Variants in VCPKMT observed in about 807,000 individuals in gnomAD.
VCPKMT encodes protein N-lysine methyltransferase METTL21D.
VCPKMT carries 32 observed loss-of-function variants against 28.6 expected under a neutral mutation model. The ratio of observed to expected loss-of-function variants is 1.12; its 90% confidence interval spans 0.84 to 1.50. VCPKMT has a LOEUF of 1.50. Ranked by LOEUF, VCPKMT falls within the 40% of genes most tolerant of loss-of-function variation. The pLI, the probability that VCPKMT is intolerant of heterozygous loss-of-function variation, is 0.00. For synonymous variants in VCPKMT, 138 were observed against 111.4 expected (o/e 1.24, Z -1.50); for missense variants, 366 against 285.0 (o/e 1.28, Z -2.05).
At chr14:50,112,540 C>T (rs991112207) in intron 5 of VCPKMT, 75 bp downstream of exon 5, 1 of 923,000 alleles carries the variant, frequency 1.1e-6, no homozygotes, top group Non-Finnish European at 1.7e-6. Flanking sequence ...AACGCCCATA[C>T]CACACATATG....
intron 2 of VCPKMT, 71 bp downstream of exon 2, chr14:50,115,998 C>T: frequency 1.3e-6 from 2 of 1,593,624 alleles, no homozygotes; most frequent in Middle Eastern, 1.7e-4. Flanking sequence ...CCCTTCCATC[C>T]TTTTAATGAA....
intron 5 of VCPKMT, chr14:50,111,144 G>A (rs929945122): frequency 1.0e-6 from 1 of 953,094 alleles, no homozygotes; most frequent in Middle Eastern, 5.4e-4. Flanking sequence ...TGGTATGTGA[G>A]TTACATCAAC....
At chr14:50,104,761 A>C, downstream of VCPKMT, among the ~76,000 whole-genome samples, 1 of 152,116 alleles carries the variant, frequency 6.6e-6, no homozygotes, top group East Asian at 1.9e-4. Context: ...TCAGATGTAA[A>C]ATCATGATTA....
chr14:50,103,834 G>T (rs1396052846), downstream of VCPKMT, among the ~76,000 whole-genome samples: 1 of 152,130 alleles, frequency 6.6e-6, no homozygotes, highest in Admixed American at 6.5e-5. Flanking sequence ...AAGGTGCCCA[G>T]ATTTCACACT....
At position 50,115,848 on chromosome 14, in the gene VCPKMT, G is replaced by A. The variant is rs74049153; in HGVS notation, c.441C>T (p.Tyr147=). The A allele has an allele frequency of 7.1e-3, 11,403 of 1,612,104 alleles. 636 individuals carry two copies. The African/African-American group carries it at 0.12, about 17-fold the overall frequency. ...PDFILMADCI[Y]YEESLEPLLK... ...CTCACTGGATACTTACCTCTTCATA[G>A]TATATGCAGTCGGCCATCAGTATGA... Residue 147 remains tyrosine (Y), a synonymous_variant, in exon 3 of 6, where the codon TAC becomes TAT. Coordinates refer to ENST00000395860, the MANE Select transcript of VCPKMT (RefSeq NM_024558.3).
chr14:50,111,976 A>G (rs1882690945), intron 5 of VCPKMT: 1 of 985,302 alleles, frequency 1.0e-6, no homozygotes, highest in Non-Finnish European at 1.2e-6. Flanking sequence ...ATAAAATGTG[A>G]TTGTTATACA....
downstream of VCPKMT, among the ~76,000 whole-genome samples, chr14:50,105,354 G>A (rs112866811): frequency 8.9e-3 from 1,362 of 152,300 alleles, 25 homozygotes; most frequent in African/African-American, 0.031. Flanking sequence ...ACCTAGGCCA[G>A]GTGCAGTGGC....
rs541387693 is a variant in VCPKMT, at chr14:50,109,423, T to G, written c.*276A>C. The G allele has an allele frequency of 5.2e-6, 6 of 1,164,364 alleles. No individual in the cohort carries two copies. The South Asian group carries it at 1.6e-4, about 31-fold the overall frequency. 72.1% of individuals were successfully genotyped at this position (1,164,364 alleles called of 1,614,324 possible). On this transcript the variant is annotated 3_prime_UTR_variant, in exon 6 of 6. Transcript: ENST00000395860. ...TTTCAGCCTCGCCTCAATACCAATT[T>G]TTATTTGAATAACTGATTCCCAACA...
At chr14:50,114,484 T>C (rs1882961714) in intron 3 of VCPKMT, 80 bp from the exon 4 acceptor site, 1 of 916,112 alleles carries the variant, frequency 1.1e-6, no homozygotes. Context: ...GGTACAGGGG[T>C]ATTTATAGCT....
At chr14:50,116,249 A>G in intron 1 of VCPKMT, 38 bp downstream of exon 1, 1 of 1,610,878 alleles carries the variant, frequency 6.2e-7, no homozygotes, top group Non-Finnish European at 8.5e-7. Context: ...CCCCAGCAAG[A>G]AGGCGCCCCC....
downstream of VCPKMT, among the ~76,000 whole-genome samples, chr14:50,108,113 TGG>T (rs1477124704): frequency 7.1e-6 from 1 of 140,342 alleles, no homozygotes; most frequent in East Asian, 2.1e-4. Flanking sequence ...CACCCAAGCC[TGG>T]GAAGAGTAGG....
At chr14:50,106,280 G>A (rs1323602115), downstream of VCPKMT, among the ~76,000 whole-genome samples, 2 of 152,144 alleles carry the variant, frequency 1.3e-5, no homozygotes, top group East Asian at 1.9e-4. Flanking sequence ...CTATGGGGTT[G>A]CAACCCTTTC....
downstream of VCPKMT, among the ~76,000 whole-genome samples, chr14:50,103,997 TATAAG>T (rs1312705882): frequency 2.0e-5 from 3 of 152,190 alleles, no homozygotes; most frequent in Non-Finnish European, 2.9e-5. Flanking sequence ...CACAGCAACC[TATAAG>T]ATATTATGAT....
chr14:50,110,713 A>G (rs1882587775), intron 5 of VCPKMT, among the ~76,000 whole-genome samples: 1 of 152,244 alleles, frequency 6.6e-6, no homozygotes, highest in Non-Finnish European at 1.5e-5. Flanking sequence ...GAGGTCTGAA[A>G]ACATGTTCAC....
In VCPKMT at chr14:50,108,778, G is replaced by A. The variant is rs1400875883; in HGVS notation, c.*921C>T. ...ACAGATTATTGTATATGAGCGAATG[G>A]CTTCATAACATAAAACAGAGAGACA... On this transcript the variant is annotated 3_prime_UTR_variant, in exon 6 of 6. Transcript: ENST00000395860. 8.1e-6 allele frequency: 8 copies of A among 985,508 alleles called. No homozygotes were observed. Among genetic ancestry groups the A allele is most frequent in the African/African-American group, 1.7e-5 (1 of 57,222 alleles). 61.0% of individuals were successfully genotyped at this position (985,508 alleles called of 1,614,324 possible).
At chr14:50,111,178 TGGCCG>T in intron 5 of VCPKMT, 1 of 883,512 alleles carries the variant, frequency 1.1e-6, no homozygotes, top group Non-Finnish European at 1.3e-6. Context: ...TTTTTTTTTT[TGGCCG>T]AAAAAAAAAA....
Position 50,109,403 on chromosome 14 carries a change from G to C in VCPKMT, c.*296C>G. ...TGTTGGCTGTTTTTGGCAGATTTCA[G>C]CCTCGCCTCAATACCAATTTTTATT... On this transcript the variant is annotated 3_prime_UTR_variant, in exon 6 of 6. Coordinates refer to ENST00000395860, the MANE Select transcript of VCPKMT (RefSeq NM_024558.3). 2 of 1,116,190 alleles carry C rather than the reference G, an allele frequency of 1.8e-6. No homozygotes were observed. Among genetic ancestry groups the C allele is most frequent in the Non-Finnish European group, 2.2e-6 (2 of 915,602 alleles). The allele number at this position is 1,116,190 out of a possible 1,614,324, so 69.1% of individuals were successfully genotyped here. A position where few individuals can be genotyped will look rare whatever the true frequency, so the allele number is the denominator to read the frequency against.
chr14:50,107,773 GC>G (rs879672355), downstream of VCPKMT, among the ~76,000 whole-genome samples: 14 of 152,134 alleles, frequency 9.2e-5, no homozygotes, highest in Non-Finnish European at 1.8e-4. Flanking sequence ...CTGCACAGAG[GC>G]CGACTTCAGC....
Position 50,108,839 on chromosome 14 carries a change from C to G in VCPKMT, c.*860G>C. ...ATTCATTTGGTATATACATATAGAA[C>G]TACATTTGTAGTTATTCAAAAACCT... is the stretch of plus-strand genomic sequence containing the variant. On this transcript the variant is annotated 3_prime_UTR_variant, in exon 6 of 6. Transcript: ENST00000395860. 1.0e-6 allele frequency: 1 copy of G among 985,422 alleles called. No homozygotes were observed. Among genetic ancestry groups the G allele is most frequent in the Non-Finnish European group, 1.2e-6 (1 of 829,918 alleles). The allele number at this position is 985,422 out of a possible 1,614,324, so 61.0% of individuals were successfully genotyped here.
Sources: gnomAD v4.1 joint callset for allele counts (sites outside exome capture counted in the v4.1 genomes callset) on GRCh38, gnomAD v4.1.1 for gene constraint, MANE v1.5 for transcripts, NCBI Gene and HGNC (gene_info 2026-07-23, HGNC 2026-07-21) for gene names.